The following CNTNAP2 variants were observed in gnomAD, a reference collection of about 807,000 sequenced individuals.
The protein encoded by CNTNAP2 is contactin-associated protein-like 2.
A neutral mutation model predicts 155.2 loss-of-function variants in CNTNAP2; 98 were observed. The ratio of observed to expected loss-of-function variants is 0.63; its 90% CI spans 0.54 to 0.75. The LOEUF (loss-of-function observed/expected upper bound fraction) is 0.75, where lower values mean the gene tolerates loss of function less well. CNTNAP2 is among the 30% of genes least tolerant of loss of function. The pLI, the probability that CNTNAP2 is intolerant of heterozygous loss-of-function variation, is 0.00. For synonymous variants in CNTNAP2, 651 were observed against 631.2 expected, an observed-to-expected ratio of 1.03 and a Z score of -0.47; for missense variants, 1,727 against 1,688.1, an observed-to-expected ratio of 1.02 and a Z score of -0.40.
At chr7:147,426,920 GT>G (rs1489432567) in intron 10 of CNTNAP2, among the ~76,000 whole-genome samples, 1 of 152,080 alleles carries the variant, frequency 6.6e-6, no homozygotes, top group African/African-American at 2.4e-5. Flanking sequence ...TTGCCAGGTG[GT>G]TTTTGATAAT....
At chr7:146,308,795 C>G (rs35349212) in intron 1 of CNTNAP2, among the ~76,000 whole-genome samples, 5 of 151,638 alleles carry the variant, frequency 3.3e-5, no homozygotes, top group Admixed American at 6.6e-5. Context: ...CTTGGACACA[C>G]GGCGGGGAAC....
chr7:148,270,698 G>A lies in CNTNAP2; in HGVS notation c.3475+3572G>A, dbSNP rs570866307. 3.3e-5 allele frequency among the ~76,000 whole-genome samples: 5 copies of A among 152,344 alleles called. No individual in the cohort carries two copies. The South Asian group carries it at 6.2e-4, about 19-fold the overall frequency. On this transcript the variant is annotated intron_variant, in intron 21 of 23. Coordinates refer to ENST00000361727, the MANE Select transcript of CNTNAP2 (RefSeq NM_014141.6). ...CAGAATCAGTAAGATTCGCACAGAG[G>A]TGAGAGCTGCAATCCTCACATATCT... is the stretch of plus-strand genomic sequence containing the variant.
chr7:147,498,796 T>A (rs1025619102), intron 11 of CNTNAP2, among the ~76,000 whole-genome samples: 1 of 152,194 alleles, frequency 6.6e-6, no homozygotes, highest in Non-Finnish European at 1.5e-5. Context: ...TAGTTTTTTT[T>A]CCCATTTGTC....
chr7:148,120,949 G>A (rs142321864), intron 16 of CNTNAP2, among the ~76,000 whole-genome samples: 231 of 152,284 alleles, frequency 1.5e-3, no homozygotes, highest in African/African-American at 5.3e-3. Context: ...AACCAAAAGT[G>A]GTGCTTTCAT....
chr7:147,350,668 A>G (rs1367448701), intron 9 of CNTNAP2, among the ~76,000 whole-genome samples: 1 of 151,796 alleles, frequency 6.6e-6, no homozygotes, highest in Non-Finnish European at 1.5e-5. Context: ...GTGCTGCCTT[A>G]CAGTACCCTA....
chr7:147,029,024 T>C (rs538034314), intron 3 of CNTNAP2, among the ~76,000 whole-genome samples: 7 of 139,096 alleles, frequency 5.0e-5, no homozygotes, highest in Admixed American at 1.6e-4. Context: ...AGGGCAGTGG[T>C]GCGATCTCGG....
chr7:147,252,452 T>A (rs1415772113), intron 8 of CNTNAP2, among the ~76,000 whole-genome samples: 1 of 152,212 alleles, frequency 6.6e-6, no homozygotes, highest in Non-Finnish European at 1.5e-5. Flanking sequence ...GTTTCTAGTC[T>A]CATCTCTTCT....
chr7:147,065,363 T>A (rs1235373318), intron 4 of CNTNAP2, among the ~76,000 whole-genome samples: 6 of 152,222 alleles, frequency 3.9e-5, no homozygotes, highest in African/African-American at 7.2e-5. Context: ...AAGAATGAAA[T>A]TAAGTTGACT....
intron 14 of CNTNAP2, among the ~76,000 whole-genome samples, chr7:147,945,265 TA>T (rs1748374831): frequency 6.6e-6 from 1 of 152,206 alleles, no homozygotes; most frequent in Admixed American, 6.5e-5. Context: ...AATATTGATA[TA>T]ATTTTAACAT....
At chr7:146,593,521 A>G (rs1798814276) in intron 1 of CNTNAP2, among the ~76,000 whole-genome samples, 1 of 151,840 alleles carries the variant, frequency 6.6e-6, no homozygotes. Context: ...CCTCAGCGTC[A>G]CTCCCTCCAC....
chr7:146,998,936 A>AT (rs566993536), intron 3 of CNTNAP2, among the ~76,000 whole-genome samples: 1 of 151,704 alleles, frequency 6.6e-6, no homozygotes, highest in Non-Finnish European at 1.5e-5. Flanking sequence ...TAATTGAGTC[A>AT]TTTTTTTAAA....
At chr7:147,454,040 A>G (rs1397388782) in intron 10 of CNTNAP2, among the ~76,000 whole-genome samples, 1 of 152,132 alleles carries the variant, frequency 6.6e-6, no homozygotes, top group Non-Finnish European at 1.5e-5. Flanking sequence ...TACAACTGAA[A>G]GCATTTGCAT....
intron 1 of CNTNAP2, among the ~76,000 whole-genome samples, chr7:146,758,164 T>C (rs1447304612): frequency 6.6e-6 from 1 of 152,212 alleles, no homozygotes; most frequent in African/African-American, 2.4e-5. Context: ...AATCACTTTT[T>C]CTTAACACTT....
chr7:146,721,889 A>ATATATATATATATTTTTTTTT, intron 1 of CNTNAP2, among the ~76,000 whole-genome samples: 1 of 69,738 alleles, frequency 1.4e-5, no homozygotes, highest in African/African-American at 1.9e-4. Context: ...ATATATATAT[A>ATATATATATATATTTTTTTTT]TTTTTTTTTT....
intron 15 of CNTNAP2, among the ~76,000 whole-genome samples, chr7:147,980,490 T>C (rs1045684155): frequency 6.6e-6 from 1 of 152,210 alleles, no homozygotes; most frequent in East Asian, 1.9e-4. Flanking sequence ...CAACAGTTAA[T>C]GGCAATTATG....
In CNTNAP2 at chr7:148,100,507, T is replaced by A. The variant is rs146706829; in HGVS notation, c.2384-17611T>A. 2.0e-5 allele frequency among the ~76,000 whole-genome samples: 3 copies of A among 149,658 alleles called. No individual in the cohort carries two copies. In the East Asian group the frequency reaches 5.8e-4, roughly 29 times the overall value. ...AGGCACATAAACAATGCACACATAC[T>A]TAATAGGTTTGTGCAAAAAAACTGC... On this transcript the variant is annotated intron_variant, in intron 15 of 23. Transcript: ENST00000361727.
At position 147,115,080 on chromosome 7, in the gene CNTNAP2, A is replaced by C. The variant is rs1445758419; in HGVS notation, c.755-5899A>C. Among the ~76,000 whole-genome samples, 2 of 152,068 alleles carry C rather than the reference A, an allele frequency of 1.3e-5. 1 individual carries two copies. Among genetic ancestry groups the C allele is most frequent in the South Asian group, 4.1e-4 (2 of 4,820 alleles). On this transcript the variant is annotated intron_variant, in intron 5 of 23. Transcript: ENST00000361727. ...TCCTTCACTTATGAAGCTTAGTTTGACTGGATGTGAAGTTCTGGGTTGGAA... is the reference window on the plus strand; with the variant it reads ...TCCTTCACTTATGAAGCTTAGTTTGCCTGGATGTGAAGTTCTGGGTTGGAA...
chr7:148,103,118 A>T lies in CNTNAP2; in HGVS notation c.2384-15000A>T, dbSNP rs144450431. 2.6e-5 allele frequency among the ~76,000 whole-genome samples: 4 copies of T among 151,946 alleles called. No individual in the cohort carries two copies. The East Asian group carries it at 7.7e-4, about 29-fold the overall frequency. ...GCCTTTCCAAAGGAGGCAAACAGGT[A>T]TGCGTTTATCTCAGTGAGCAGAGGA... On this transcript the variant is annotated intron_variant, in intron 15 of 23. Transcript: ENST00000361727.
chr7:148,111,178 T>A (rs189412882), intron 15 of CNTNAP2, among the ~76,000 whole-genome samples: 2 of 152,132 alleles, frequency 1.3e-5, no homozygotes, highest in East Asian at 1.9e-4. Context: ...TCACCAACTA[T>A]GTAGGATAAT....
Sources: allele counts gnomAD v4.1 joint callset (sites outside exome capture counted in the v4.1 genomes callset), GRCh38; gene constraint gnomAD v4.1.1; transcripts MANE v1.5; gene names NCBI Gene and HGNC (gene_info 2026-07-23, HGNC 2026-07-21).